Variants in UNC13C observed in about 807,000 individuals in gnomAD.
UNC13C encodes the protein unc-13 homolog C.
UNC13C carries 174 observed loss-of-function variants against 245.4 expected under a neutral mutation model. The ratio of observed to expected loss-of-function variants is 0.71; its 90% CI spans 0.63 to 0.80. UNC13C has a LOEUF of 0.80. Ranked by LOEUF, UNC13C falls within the 30% of genes least tolerant of loss-of-function variation. The pLI, the probability that UNC13C is intolerant of heterozygous loss-of-function variation, is 0.00. For synonymous variants in UNC13C, 992 were observed against 895.1 expected (o/e 1.11, Z -1.93); for missense variants, 2,829 against 2,602.9 (o/e 1.09, Z -1.89).
At position 54,014,209 on chromosome 15, in the gene UNC13C, A is replaced by G; in HGVS notation, c.1306A>G (p.Thr436Ala). The G allele has an allele frequency of 6.2e-7, 1 of 1,613,900 alleles. No homozygotes were observed. Among genetic ancestry groups the G allele is most frequent in the Non-Finnish European group, 8.5e-7 (1 of 1,179,842 alleles). ...TYESMAIKLSTPEPKIKKNNW... is the reference protein window; with the variant it reads ...TYESMAIKLSAPEPKIKKNNW... ...TGAGAGCATGGCTATAAAGTTGTCT[A>G]CTCCAGAGCCAAAAATCAAGAAGAA... Residue 436 changes from threonine to alanine, a missense_variant, in exon 2 of 33, where the codon ACT (threonine) becomes GCT (alanine). Coordinates refer to ENST00000260323, the MANE Select transcript of UNC13C (RefSeq NM_001080534.3).
At chr15:53,853,535 G>T in the UNC13C span, among the ~76,000 whole-genome samples, 6 of 152,240 alleles carry the variant, frequency 3.9e-5, no homozygotes, top group African/African-American at 1.4e-4. Context: ...GGGTTAAATG[G>T]TATTTCGGCC....
chr15:54,503,309 A>T (rs1894313849), intron 22 of UNC13C, among the ~76,000 whole-genome samples: 1 of 152,166 alleles, frequency 6.6e-6, no homozygotes, highest in Non-Finnish European at 1.5e-5. Flanking sequence ...TCTTGCCAGC[A>T]TTTCTCTTTT....
In UNC13C at chr15:54,230,836, A is replaced by C. The variant is rs1365348368; in HGVS notation, c.3072-4194A>C. On this transcript the variant is annotated intron_variant, in intron 4 of 32. Transcript: ENST00000260323. ...CAGCCCACATTGCCTACCTATATCA[A>C]AACATCACATTGTACCCCATAAATG... is the stretch of plus-strand genomic sequence containing the variant. Among the ~76,000 whole-genome samples the C allele has an allele frequency of 2.6e-5, 4 of 152,040 alleles. No individual in the cohort carries two copies. In the East Asian group the frequency reaches 7.7e-4, roughly 29 times the overall value.
chr15:54,348,294 A>G (rs911536614), intron 17 of UNC13C, among the ~76,000 whole-genome samples: 1 of 152,174 alleles, frequency 6.6e-6, no homozygotes, highest in Non-Finnish European at 1.5e-5. Flanking sequence ...TCCGCTAGAC[A>G]GAATGTGGAC....
intron 7 of UNC13C, among the ~76,000 whole-genome samples, chr15:54,243,827 AT>A (rs201211679): frequency 2.6e-5 from 4 of 151,140 alleles, no homozygotes; most frequent in African/African-American, 7.3e-5. Context: ...GAGATTGTTT[AT>A]TTTTTTTCTT....
chr15:54,057,920 A>C (rs1897614483), intron 2 of UNC13C, among the ~76,000 whole-genome samples: 1 of 152,196 alleles, frequency 6.6e-6, no homozygotes, highest in African/African-American at 2.4e-5. Flanking sequence ...CAACAAGAAC[A>C]AAGACACAAC....
intron 6 of UNC13C, among the ~76,000 whole-genome samples, chr15:54,236,705 T>G (rs1017554820): frequency 1.3e-5 from 2 of 152,210 alleles, no homozygotes; most frequent in Admixed American, 1.3e-4. Flanking sequence ...TTGGGTAAAC[T>G]CTTGGAGGTA....
chr15:54,356,715 A>G (rs377348389), intron 17 of UNC13C, among the ~76,000 whole-genome samples: 1 of 152,194 alleles, frequency 6.6e-6, no homozygotes, highest in Non-Finnish European at 1.5e-5. Flanking sequence ...CACATTGAGT[A>G]TTAGGAATAC....
chr15:53,889,664 A>G, the UNC13C span, among the ~76,000 whole-genome samples: 7 of 152,178 alleles, frequency 4.6e-5, no homozygotes, highest in Admixed American at 2.6e-4. Flanking sequence ...ATTTTTGCCC[A>G]TTCAGTATGA....
rs189783203 is a variant in UNC13C, at chr15:54,399,261, G to A, written c.4847+6080G>A. On this transcript the variant is annotated intron_variant, in intron 18 of 32. Transcript: ENST00000260323. ...TTGATATACAGATATTTGGTTACCT[G>A]TGGGTCTTCCAAGCATTATATGCAA... 2.4e-3 allele frequency among the ~76,000 whole-genome samples: 361 copies of A among 151,792 alleles called. 1 individual carries two copies. The highest frequency in any genetic ancestry group is 8.5e-3 in the Admixed American group (129 of 15,242).
intron 22 of UNC13C, among the ~76,000 whole-genome samples, chr15:54,502,519 A>G (rs1376675752): frequency 6.6e-6 from 1 of 152,134 alleles, no homozygotes; most frequent in Non-Finnish European, 1.5e-5. Context: ...AGATGATTCT[A>G]ATTTCCCAAT....
At chr15:54,073,848 A>T (rs1459396068) in intron 2 of UNC13C, among the ~76,000 whole-genome samples, 1 of 152,172 alleles carries the variant, frequency 6.6e-6, no homozygotes, top group African/African-American at 2.4e-5. Flanking sequence ...CTCTGATGAT[A>T]GTTTCTTTTG....
In UNC13C at chr15:54,626,825, C is replaced by T. The variant is rs757123565; in HGVS notation, c.6360-3C>T. 11 of 1,609,818 alleles carry T rather than the reference C, an allele frequency of 6.8e-6. No individual in the cohort carries two copies. The South Asian group carries it at 9.9e-5, about 15-fold the overall frequency. ...TCAAAATTTGTATTTTTAATCCACA[C>T]AGCATTCTCGGAAAGGAAAATCGAC... is the stretch of plus-strand genomic sequence containing the variant. On this transcript the variant is annotated splice_region_variant and splice_polypyrimidine_tract_variant and intron_variant, in intron 32 of 32. Transcript: ENST00000260323.
At chr15:54,175,175 T>G (rs944410129) in intron 4 of UNC13C, among the ~76,000 whole-genome samples, 4 of 152,138 alleles carry the variant, frequency 2.6e-5, no homozygotes, top group Non-Finnish European at 4.4e-5. Flanking sequence ...TAACTTACCA[T>G]GGAAAAGAAA....
At chr15:53,841,835 C>T in the UNC13C span, among the ~76,000 whole-genome samples, 1 of 152,168 alleles carries the variant, frequency 6.6e-6, no homozygotes, top group Admixed American at 6.6e-5. Flanking sequence ...AAATTTGCCT[C>T]TTCTGTCTTC....
chr15:53,946,410 T>C, the UNC13C span, among the ~76,000 whole-genome samples: 9 of 151,848 alleles, frequency 5.9e-5, no homozygotes, highest in East Asian at 1.8e-3. Context: ...TTTTGAGGCA[T>C]ATTCCTCCAA....
intron 30 of UNC13C, among the ~76,000 whole-genome samples, chr15:54,613,022 A>G (rs1450415727): frequency 6.6e-6 from 1 of 151,868 alleles, no homozygotes; most frequent in African/African-American, 2.4e-5. Context: ...TAAAATTAGG[A>G]GATTATTATT....
intron 1 of UNC13C, among the ~76,000 whole-genome samples, chr15:53,983,491 A>G (rs1203415751): frequency 6.6e-6 from 1 of 152,142 alleles, no homozygotes; most frequent in African/African-American, 2.4e-5. Flanking sequence ...GTAAAAATTA[A>G]TACTTGATTC....
At chr15:54,217,063 G>A (rs1209191119) in intron 4 of UNC13C, among the ~76,000 whole-genome samples, 1 of 152,018 alleles carries the variant, frequency 6.6e-6, no homozygotes, top group Non-Finnish European at 1.5e-5. Context: ...AGGAGTTAAT[G>A]GAGAGAAGAT....
Sources: gnomAD v4.1 joint callset for allele counts (sites outside exome capture counted in the v4.1 genomes callset) on GRCh38, gnomAD v4.1.1 for gene constraint, MANE v1.5 for transcripts, NCBI Gene and HGNC (gene_info 2026-07-23, HGNC 2026-07-21) for gene names.